The following CHODL variants were observed in gnomAD, a reference collection of about 807,000 sequenced individuals.
CHODL encodes the protein chondrolectin.
Under a neutral mutation model 34.5 loss-of-function variants are expected in CHODL, and 29 were observed. The observed-to-expected ratio is 0.84, with a 90% CI of 0.63 to 1.15. The LOEUF (loss-of-function observed/expected upper bound fraction) is 1.15. CHODL is among the 50% of genes most tolerant of loss of function. CHODL has a pLI of 0.00. For synonymous variants in CHODL, 125 were observed against 116.1 expected, an observed-to-expected ratio of 1.08 and a Z score of -0.49; for missense variants, 332 against 332.5, an observed-to-expected ratio of 1.00 and a Z score of 0.01.
chr21:18,218,182 A>G (rs1281239082), intron 2 of CHODL, among the ~76,000 whole-genome samples: 3 of 151,988 alleles, frequency 2.0e-5, no homozygotes, highest in Admixed American at 2.0e-4. Flanking sequence ...GTGATCCTAC[A>G]TTTCCCTTCC....
intron 2 of CHODL, among the ~76,000 whole-genome samples, chr21:18,103,807 G>A (rs1055846633): frequency 7.9e-5 from 12 of 152,156 alleles, no homozygotes; most frequent in African/African-American, 2.7e-4. Flanking sequence ...GCAATGCTTT[G>A]TGTGACTTAG....
chr21:18,255,796 GA>G (rs1204630151), intron 1 of CHODL, among the ~76,000 whole-genome samples: 1 of 151,984 alleles, frequency 6.6e-6, no homozygotes, highest in East Asian at 1.9e-4. Flanking sequence ...TGTAAAATGA[GA>G]GAAGACATTG....
In CHODL at chr21:18,020,198, C is replaced by T. The variant is rs145544805; in HGVS notation, c.-144-7674C>T. Reference sequence around the variant, plus strand: ...CAGTTTTGAAATTGTTTAGTTGGCTCAGACAATTACTCATTTGAAGTTTCA... The same window carrying T: ...CAGTTTTGAAATTGTTTAGTTGGCTTAGACAATTACTCATTTGAAGTTTCA... On this transcript the variant is annotated intron_variant, in intron 1 of 6. Transcript: ENST00000400127. Among the ~76,000 whole-genome samples, 29 of 152,166 alleles carry T rather than the reference C, an allele frequency of 1.9e-4. No individual in the cohort carries two copies. The East Asian group carries it at 4.3e-3, about 22-fold the overall frequency.
chr21:18,135,258 GTTAAT>G (rs1270989146), intron 2 of CHODL, among the ~76,000 whole-genome samples: 1 of 151,978 alleles, frequency 6.6e-6, no homozygotes, highest in African/African-American at 2.4e-5. Context: ...TGCCAATTCT[GTTAAT>G]TTAATTTCCT....
At chr21:18,122,254 A>G (rs1003119980) in intron 2 of CHODL, among the ~76,000 whole-genome samples, 6 of 152,188 alleles carry the variant, frequency 3.9e-5, no homozygotes, top group Non-Finnish European at 1.5e-5. Context: ...GGATAAATTC[A>G]AAACTACCAA....
intron 2 of CHODL, among the ~76,000 whole-genome samples, chr21:18,070,021 T>TCCCTTCCCTC (rs1600963420): frequency 1.9e-5 from 1 of 52,888 alleles, no homozygotes; most frequent in Non-Finnish European, 4.2e-5. Flanking sequence ...TCCCTTCCCT[T>TCCCTTCCCTC]CCCTCCCCCC....
intron 2 of CHODL, among the ~76,000 whole-genome samples, chr21:18,092,688 AG>A: frequency 6.6e-6 from 1 of 152,244 alleles, no homozygotes; most frequent in Non-Finnish European, 1.5e-5. Flanking sequence ...ATTCCCAAGA[AG>A]GCATGCCTTT....
chr21:18,136,121 A>AAAAAAG (rs1568904672), intron 2 of CHODL, among the ~76,000 whole-genome samples: 16 of 138,208 alleles, frequency 1.2e-4, no homozygotes, highest in African/African-American at 4.1e-4. Flanking sequence ...AAAAAAAAGA[A>AAAAAAG]AAAGAAAAAA....
chr21:17,935,253 C>T (rs2063309823), intron 1 of CHODL, among the ~76,000 whole-genome samples: 1 of 152,054 alleles, frequency 6.6e-6, no homozygotes, highest in Admixed American at 6.6e-5. Context: ...ATTAAAATAG[C>T]TATATGATAT....
chr21:18,013,929 C>T (rs1004902463), intron 1 of CHODL, among the ~76,000 whole-genome samples: 2 of 152,130 alleles, frequency 1.3e-5, no homozygotes, highest in Non-Finnish European at 2.9e-5. Context: ...GCCACCGCGC[C>T]TGGCTATTTT....
intron 4 of CHODL, 131 bp downstream of exon 4, chr21:18,260,417 A>G (rs1052566758): frequency 9.1e-6 from 5 of 550,672 alleles, no homozygotes; most frequent in Non-Finnish European, 1.3e-5. Flanking sequence ...ATGGACATTT[A>G]CTTTTGAACT....
intron 2 of CHODL, among the ~76,000 whole-genome samples, chr21:18,074,236 G>A (rs1350475071): frequency 6.6e-6 from 1 of 152,104 alleles, no homozygotes; most frequent in Non-Finnish European, 1.5e-5. Flanking sequence ...GAAAGAACAG[G>A]CTATGTGCAT....
intron 1 of CHODL, among the ~76,000 whole-genome samples, chr21:17,947,488 A>G (rs1344243086): frequency 6.6e-6 from 1 of 151,970 alleles, no homozygotes; most frequent in African/African-American, 2.4e-5. Flanking sequence ...GCATCTGACA[A>G]AGTGCTAATA....
intron 1 of CHODL, among the ~76,000 whole-genome samples, chr21:17,919,772 A>G (rs1726745053): frequency 6.6e-6 from 1 of 152,196 alleles, no homozygotes; most frequent in Non-Finnish European, 1.5e-5. Context: ...CAAATTTTTC[A>G]AACTTTTATG....
At chr21:18,126,858 G>A (rs990042712) in intron 2 of CHODL, among the ~76,000 whole-genome samples, 2 of 152,144 alleles carry the variant, frequency 1.3e-5, no homozygotes, top group Admixed American at 1.3e-4. Flanking sequence ...AAAGAAGACT[G>A]ACTCCTAACA....
chr21:18,215,950 G>A (rs1207390409), intron 2 of CHODL, among the ~76,000 whole-genome samples: 1 of 152,046 alleles, frequency 6.6e-6, no homozygotes, highest in African/African-American at 2.4e-5. Context: ...TAACAAAGAG[G>A]TTTTTAATAT....
chr21:18,060,184 G>A (rs2064641325), intron 2 of CHODL, among the ~76,000 whole-genome samples: 1 of 152,076 alleles, frequency 6.6e-6, no homozygotes, highest in African/African-American at 2.4e-5. Context: ...GCCAGGCATG[G>A]TGGCTCATGC....
chr21:18,154,751 T>G (rs1180323002), intron 2 of CHODL, among the ~76,000 whole-genome samples: 1 of 152,224 alleles, frequency 6.6e-6, no homozygotes, highest in Non-Finnish European at 1.5e-5. Flanking sequence ...CTAAAATTAA[T>G]GAACAAATGT....
intron 2 of CHODL, among the ~76,000 whole-genome samples, chr21:18,040,128 C>T (rs2064357541): frequency 6.6e-6 from 1 of 151,688 alleles, no homozygotes; most frequent in African/African-American, 2.4e-5. Context: ...TGTTAAAGGC[C>T]CTATTTATCT....
Sources: allele counts gnomAD v4.1 joint callset (sites outside exome capture counted in the v4.1 genomes callset), GRCh38; gene constraint gnomAD v4.1.1; transcripts MANE v1.5; gene names NCBI Gene and HGNC (gene_info 2026-07-23, HGNC 2026-07-21).